Variants in TBC1D19 observed in about 807,000 individuals in gnomAD.
TBC1D19 encodes the protein TBC1 domain family member 19, also known as TBC1 domain family, member 19.
A neutral mutation model predicts 89.0 loss-of-function variants in TBC1D19; 60 were observed. The ratio of observed to expected loss-of-function variants is 0.67; its 90% CI spans 0.55 to 0.84. The LOEUF is 0.84. Among genes scored for constraint, TBC1D19 ranks in the 40% least tolerant of loss-of-function variants. The pLI, the probability that TBC1D19 is intolerant of heterozygous loss-of-function variation, is 0.00. For missense variants in TBC1D19, 500 were observed against 610.8 expected (o/e 0.82, Z 1.91); for synonymous variants, 189 against 199.7 (o/e 0.95, Z 0.45).
the TBC1D19 span, among the ~76,000 whole-genome samples, chr4:26,835,375 C>T: frequency 6.6e-6 from 1 of 152,204 alleles, no homozygotes; most frequent in African/African-American, 2.4e-5. Context: ...GTGAGACCCA[C>T]ATGGACAGCT....
chr4:26,846,402 C>T, the TBC1D19 span, among the ~76,000 whole-genome samples: 13 of 152,056 alleles, frequency 8.5e-5, no homozygotes, highest in Admixed American at 4.6e-4. Flanking sequence ...TGTATTTATA[C>T]TTTTGTGGAA....
rs184278405 is a variant in TBC1D19 at position 26,750,517 on chromosome 4, A to T, written c.1435+1991A>T. Among the ~76,000 whole-genome samples, 329 of 152,314 alleles carry T rather than the reference A, an allele frequency of 2.2e-3. 5 individuals carry two copies. The highest frequency in any genetic ancestry group is 1.2e-3 in the Non-Finnish European group (82 of 68,024). On this transcript the variant is annotated intron_variant, in intron 19 of 20. Coordinates refer to ENST00000264866, the MANE Select transcript of TBC1D19 (RefSeq NM_018317.4). Reference sequence around the variant, plus strand: ...GCCCTCTTTCAATTTAAATTCTCTCATTCTGTGCCTTATCATCCCTTAGCA... The same window carrying T: ...GCCCTCTTTCAATTTAAATTCTCTCTTTCTGTGCCTTATCATCCCTTAGCA...
At chr4:26,640,301 TG>T in intron 7 of TBC1D19, 114 bp downstream of exon 7, 1 of 792,098 alleles carries the variant, frequency 1.3e-6, no homozygotes, top group Non-Finnish European at 2.1e-6. Flanking sequence ...CCAGAGTCAC[TG>T]AAGCAGTAGA....
At chr4:26,718,538 T>A (rs1577980519) in intron 14 of TBC1D19, among the ~76,000 whole-genome samples, 1 of 152,090 alleles carries the variant, frequency 6.6e-6, no homozygotes, top group African/African-American at 2.4e-5. Context: ...TCCCAACTTT[T>A]CCTTTTTATT....
chr4:26,579,651 C>T (rs1739031652), upstream of TBC1D19, among the ~76,000 whole-genome samples: 1 of 151,650 alleles, frequency 6.6e-6, no homozygotes. Context: ...CTAATGCTCT[C>T]CCTCCCCTAA....
chr4:26,727,036 G>T (rs1454818774), intron 15 of TBC1D19, among the ~76,000 whole-genome samples: 1 of 152,160 alleles, frequency 6.6e-6, no homozygotes, highest in Non-Finnish European at 1.5e-5. Context: ...GATGCATAAG[G>T]AAAGGCTAGA....
the TBC1D19 span, among the ~76,000 whole-genome samples, chr4:26,829,000 T>G: frequency 6.6e-6 from 1 of 152,224 alleles, no homozygotes; most frequent in Admixed American, 6.5e-5. Flanking sequence ...ATTTACAACT[T>G]TTATCAAACC....
intron 19 of TBC1D19, among the ~76,000 whole-genome samples, chr4:26,751,925 T>C (rs377592876): frequency 2.0e-5 from 3 of 152,208 alleles, no homozygotes; most frequent in Non-Finnish European, 4.4e-5. Context: ...CAGATTTTCA[T>C]GTCAGAGATG....
chr4:26,734,975 CACAT>C (rs1717902581), intron 15 of TBC1D19, among the ~76,000 whole-genome samples: 1 of 149,988 alleles, frequency 6.7e-6, no homozygotes, highest in Non-Finnish European at 1.5e-5. Context: ...TATATGTATA[CACAT>C]ATGTATATGT....
At chr4:26,664,588 C>T (rs775106876) in intron 8 of TBC1D19, among the ~76,000 whole-genome samples, 1 of 151,010 alleles carries the variant, frequency 6.6e-6, no homozygotes, top group Non-Finnish European at 1.5e-5. Context: ...CACATTTTTA[C>T]CTCTTCAGTC....
At chr4:26,858,808 G>A in the TBC1D19 span, 1 of 151,978 alleles carries the variant, frequency 6.6e-6, no homozygotes, top group Non-Finnish European at 1.5e-5. Flanking sequence ...TCCGGTTCCA[G>A]TAGTGAGAGG....
In TBC1D19 at chr4:26,640,175, G is replaced by A; in HGVS notation, c.468G>A (p.Lys156=). Residue 156 remains lysine (K), a synonymous_variant, in exon 7 of 21, where the codon AAG becomes AAA. Coordinates refer to ENST00000264866, the MANE Select transcript of TBC1D19 (RefSeq NM_018317.4). ...TTTTCAGACCTGTTTATGCACCTAA[G>A]GATTTTCTTGAGGTAGGTTCTATTG... The part of the protein sequence containing the change: ...LSLFRPVYAP[K]DFLEVLINLR... The A allele has an allele frequency of 6.2e-7, 1 of 1,608,284 alleles. No homozygotes were observed. The highest frequency in any genetic ancestry group is 8.5e-7 in the Non-Finnish European group (1 of 1,175,810).
chr4:26,603,560 G>A (rs1026098006), intron 1 of TBC1D19, among the ~76,000 whole-genome samples: 2 of 152,106 alleles, frequency 1.3e-5, no homozygotes, highest in African/African-American at 4.8e-5. Context: ...ATATATGTAT[G>A]AGGGTGGATT....
intron 13 of TBC1D19, among the ~76,000 whole-genome samples, chr4:26,695,486 T>C (rs1230743122): frequency 6.6e-6 from 1 of 151,988 alleles, no homozygotes; most frequent in African/African-American, 2.4e-5. Flanking sequence ...AGGCCAACAT[T>C]CAAATTAAGG....
chr4:26,770,617 C>T, the TBC1D19 span, among the ~76,000 whole-genome samples: 18 of 152,104 alleles, frequency 1.2e-4, no homozygotes, highest in African/African-American at 4.1e-4. Flanking sequence ...CCAACTATGT[C>T]TAACTGCATT....
At chr4:26,804,306 C>T in the TBC1D19 span, among the ~76,000 whole-genome samples, 2 of 152,152 alleles carry the variant, frequency 1.3e-5, no homozygotes, top group East Asian at 1.9e-4. Flanking sequence ...CCACCACATC[C>T]GGCTAATTTT....
In TBC1D19 at chr4:26,685,665, T is replaced by C. The variant is rs183369182; in HGVS notation, c.891+1916T>C. Among the ~76,000 whole-genome samples the C allele has an allele frequency of 1.8e-3, 280 of 152,344 alleles. 2 individuals carry two copies. Among genetic ancestry groups the C allele is most frequent in the African/African-American group, 6.4e-3 (268 of 41,588 alleles). On this transcript the variant is annotated intron_variant, in intron 12 of 20. Coordinates refer to ENST00000264866, the MANE Select transcript of TBC1D19 (RefSeq NM_018317.4). The stretch of plus-strand genomic sequence containing the variant: ...TCTACAGTAAGTGGAAATGAGAGTT[T>C]AGAGGATACAGTCCTTTGATGGAAA...
intron 1 of TBC1D19, among the ~76,000 whole-genome samples, chr4:26,595,999 C>G (rs981345023): frequency 7.2e-5 from 11 of 151,790 alleles, no homozygotes; most frequent in Non-Finnish European, 1.5e-4. Flanking sequence ...CTTTGTCGCC[C>G]GGGCTGGAGT....
At chr4:26,701,963 T>C (rs1266241859) in intron 13 of TBC1D19, among the ~76,000 whole-genome samples, 5 of 152,112 alleles carry the variant, frequency 3.3e-5, no homozygotes, top group African/African-American at 1.2e-4. Flanking sequence ...GTAGAGAGAG[T>C]ATACATTTGA....
Sources: allele counts gnomAD v4.1 joint callset (sites outside exome capture counted in the v4.1 genomes callset), GRCh38; gene constraint gnomAD v4.1.1; transcripts MANE v1.5; gene names NCBI Gene and HGNC (gene_info 2026-07-23, HGNC 2026-07-21).